TDRD6: variants seen among roughly 807,000 people sequenced by gnomAD.
The protein encoded by TDRD6 is tudor domain containing 6.
In TDRD6, 186 loss-of-function variants were observed where a neutral mutation model predicts 157.5. That is an observed-to-expected ratio of 1.18 (90% CI 1.05 to 1.33). The LOEUF (loss-of-function observed/expected upper bound fraction) is 1.33. Among genes scored for constraint, TDRD6 ranks in the 40% most tolerant of loss-of-function variants. The pLI is 0.00. For synonymous variants in TDRD6, 1,075 were observed against 945.2 expected, an observed-to-expected ratio of 1.14 and a Z score of -2.52; for missense variants, 3,066 against 2,508.0, an observed-to-expected ratio of 1.22 and a Z score of -4.75.
chr6:46,701,049 T>C, intron 3 of TDRD6: 1 of 456,900 alleles, frequency 2.2e-6, no homozygotes, highest in South Asian at 1.6e-5. Context: ...CAGTGGGTGA[T>C]ACCACTATTA....
upstream of TDRD6, among the ~76,000 whole-genome samples, chr6:46,685,883 G>A (rs1216636782): frequency 1.3e-5 from 2 of 152,246 alleles, no homozygotes; most frequent in East Asian, 1.9e-4. Flanking sequence ...ATATAGTATG[G>A]GAGATATATG....
At chr6:46,685,787 C>T (rs1271179910), upstream of TDRD6, among the ~76,000 whole-genome samples, 2 of 152,040 alleles carry the variant, frequency 1.3e-5, no homozygotes, top group Non-Finnish European at 2.9e-5. Context: ...AAAAAATCCC[C>T]TCTCCCTTCT....
chr6:46,688,908 C>A lies in TDRD6; in HGVS notation c.780C>A (p.Cys260Ter), dbSNP rs913476724. The A allele has an allele frequency of 1.2e-6, 2 of 1,606,536 alleles. No individual in the cohort carries two copies. The highest frequency in any genetic ancestry group is 1.7e-6 in the Non-Finnish European group (2 of 1,175,360). Reference sequence around the variant, plus strand: ...AGGCCGTGGTCATAACCCAAGTGTGCCATCCCCACCGCATTCACTGCCAGC... The same window carrying A: ...AGGCCGTGGTCATAACCCAAGTGTGACATCCCCACCGCATTCACTGCCAGC... ...VTEAVVITQV[C>*]HPHRIHCQLR... Residue 260 changes from cysteine (C) to a stop codon, truncating the protein, a stop_gained, in exon 1 of 4, where the codon TGC becomes TGA. Transcript: ENST00000316081. LOFTEE classifies it high-confidence loss of function.
At chr6:46,680,306 C>T in the TDRD6 span, among the ~76,000 whole-genome samples, 6 of 148,422 alleles carry the variant, frequency 4.0e-5, no homozygotes, top group Non-Finnish European at 8.9e-5. Context: ...GCCTGGGCAA[C>T]GGAGGGAGAC....
rs971985876 is a variant in TDRD6 at position 46,703,762 on chromosome 6, A to G, written c.*1875A>G. On this transcript the variant is annotated 3_prime_UTR_variant, in exon 4 of 4. Coordinates refer to ENST00000316081, the MANE Select transcript of TDRD6 (RefSeq NM_001010870.3). ...ATTAACTGGAATATGAAGAAGCTAA[A>G]TGTAATTCTGAATGTTTTATTATCC... 1.3e-5 allele frequency: 2 copies of G among 152,126 alleles called. No individual in the cohort carries two copies. Among genetic ancestry groups the G allele is most frequent in the Non-Finnish European group, 2.9e-5 (2 of 67,968 alleles). The allele number at this position is 152,126 out of a possible 1,614,324, so 9.4% of individuals were successfully genotyped here.
chr6:46,692,737 C>T lies in TDRD6; in HGVS notation c.4609C>T (p.Gln1537Ter), dbSNP rs1764373399. The change falls in exon 1 of 4, where the codon CAG becomes TAG. Residue 1537 changes from glutamine to a stop codon, truncating the protein, a stop_gained. Coordinates refer to ENST00000316081, the MANE Select transcript of TDRD6 (RefSeq NM_001010870.3). LOFTEE classifies it high-confidence loss of function. ...AGATGGACCTGAGTACTTTTGGTGT[C>T]AGTTTGCTGATACGGAGAAACTTCA... ...VIDGPEYFWC[Q>*]FADTEKLQCL... The T allele has an allele frequency of 6.2e-7, 1 of 1,613,988 alleles. No homozygotes were observed. The highest frequency in any genetic ancestry group is 1.3e-5 in the African/African-American group (1 of 74,898).
chr6:46,696,579 G>GTATATATATA (rs1360765143), intron 2 of TDRD6, among the ~76,000 whole-genome samples: 40 of 48,424 alleles, frequency 8.3e-4, no homozygotes, highest in Non-Finnish European at 1.1e-3. Flanking sequence ...GTGTGTGTGT[G>GTATATATATA]TGTATATATA....
chr6:46,695,653 C>A (rs187624757), intron 1 of TDRD6, among the ~76,000 whole-genome samples, 168 bp from the exon 2 acceptor site: 3 of 151,990 alleles, frequency 2.0e-5, no homozygotes, highest in Admixed American at 1.3e-4. Context: ...GGGGGGCGGG[C>A]ACTGTAAGAA....
At position 46,688,569 on chromosome 6, in the gene TDRD6, G is replaced by T. The variant is rs1407489180; in HGVS notation, c.441G>T (p.Pro147=). ...GCGGCGCGGGCTCAGGCGAGCCGCC[G>T]CAGCACTGGCCCGCCGACGCCGTGG... is the stretch of plus-strand genomic sequence containing the variant. ...AGCGAGSGEP[P]QHWPADAVDF... Residue 147 remains proline (P), a synonymous_variant, in exon 1 of 4, where the codon CCG becomes CCT. Coordinates refer to ENST00000316081, the MANE Select transcript of TDRD6 (RefSeq NM_001010870.3). 3 of 1,593,390 alleles carry T rather than the reference G, an allele frequency of 1.9e-6. No homozygotes were observed.
In TDRD6 at chr6:46,691,999, C is replaced by G; in HGVS notation, c.3871C>G (p.Leu1291Val). ...IGDSCDKDLP[L>V]KFCEFPQKTI... is the part of the protein sequence containing the mutation. ...AGATTCATGTGACAAAGATTTGCCTCTGAAATTTTGTGAGTTCCCACAGAA... is the reference window on the plus strand; with the variant it reads ...AGATTCATGTGACAAAGATTTGCCTGTGAAATTTTGTGAGTTCCCACAGAA... The change falls in exon 1 of 4, where the codon CTG becomes GTG. Residue 1291 changes from leucine (L) to valine (V), a missense_variant. Coordinates refer to ENST00000316081, the MANE Select transcript of TDRD6 (RefSeq NM_001010870.3). 6.2e-7 allele frequency: 1 copy of G among 1,613,928 alleles called. No homozygotes were observed. Among genetic ancestry groups the G allele is most frequent in the Non-Finnish European group, 8.5e-7 (1 of 1,179,940 alleles).
chr6:46,680,602 G>A, the TDRD6 span, among the ~76,000 whole-genome samples: 8 of 152,002 alleles, frequency 5.3e-5, 1 homozygote, highest in Non-Finnish European at 1.2e-4. Flanking sequence ...GGGCAACTTT[G>A]GGCATATTCT....
At position 46,688,620 on chromosome 6, in the gene TDRD6, G is replaced by T. The variant is rs184343332; in HGVS notation, c.492G>T (p.Lys164Asn). 3.5e-4 allele frequency: 557 copies of T among 1,599,138 alleles called. No homozygotes were observed. The East Asian group carries it at 0.012, about 35-fold the overall frequency. ...ACTTCCTTAGCAACCTTCAGGGCAAGGAGGTGCACGGGTGCGTCCTGGACG... is the reference window on the plus strand; with the variant it reads ...ACTTCCTTAGCAACCTTCAGGGCAATGAGGTGCACGGGTGCGTCCTGGACG... ...AVDFLSNLQG[K>N]EVHGCVLDVL... The change falls in exon 1 of 4, where the codon AAG (lysine) becomes AAT (asparagine). Residue 164 changes from lysine to asparagine, a missense_variant. Transcript: ENST00000316081.
intron 3 of TDRD6, chr6:46,700,962 A>G (rs1386264239): frequency 2.6e-6 from 1 of 390,382 alleles, no homozygotes; most frequent in Non-Finnish European, 5.2e-6. Flanking sequence ...TACTCGTGAT[A>G]AAGAATCAAT....
Position 46,689,277 on chromosome 6 carries a change from C to T in TDRD6, c.1149C>T (p.Asp383=), listed in dbSNP as rs757611177. The T allele has an allele frequency of 1.8e-5, 29 of 1,614,054 alleles. No individual in the cohort carries two copies. Among genetic ancestry groups the T allele is most frequent in the Admixed American group, 1.0e-4 (6 of 60,002 alleles). Residue 383 remains aspartate, a synonymous_variant, in exon 1 of 4, where the codon GAC becomes GAT. Transcript: ENST00000316081. ...CTTGTGCTTTGTATGGACTCTGGGA[C>T]GGTGGGAGAGGCTGGTCTCGGTCAC... ...TYPCALYGLW[D]GGRGWSRSQV...
chr6:46,685,006 C>A (rs1305084697), upstream of TDRD6, among the ~76,000 whole-genome samples: 1 of 146,244 alleles, frequency 6.8e-6, no homozygotes, highest in African/African-American at 2.5e-5. Context: ...GGTGATATAA[C>A]ATTGTGGGTT....
At chr6:46,694,402 A>T (rs1764441334) in intron 1 of TDRD6, among the ~76,000 whole-genome samples, 1 of 151,870 alleles carries the variant, frequency 6.6e-6, no homozygotes, top group African/African-American at 2.4e-5. Flanking sequence ...AGGGTTTGTC[A>T]TGTTATCCAG....
chr6:46,688,493 T>G lies in TDRD6; in HGVS notation c.365T>G (p.Leu122Trp), dbSNP rs1408191118. 6.4e-7 allele frequency: 1 copy of G among 1,556,384 alleles called. No individual in the cohort carries two copies. The highest frequency in any genetic ancestry group is 1.4e-5 in the African/African-American group (1 of 73,788). The change falls in exon 1 of 4, where the codon TTG (leucine) becomes TGG (tryptophan). Residue 122 changes from leucine (L) to tryptophan (W), a missense_variant. By Grantham distance (61) the Leu-to-Trp change is moderately conservative. Coordinates refer to ENST00000316081, the MANE Select transcript of TDRD6 (RefSeq NM_001010870.3). ...CCTGGGCGCAGAGAGTTCTTCAATT[T>G]GCCCTCGGAAGTGCTGGGCTGCGTG... ...LAPGRREFFN[L>W]PSEVLGCVLA...
the TDRD6 span, among the ~76,000 whole-genome samples, chr6:46,682,329 A>G: frequency 6.6e-6 from 1 of 152,064 alleles, no homozygotes; most frequent in South Asian, 2.1e-4. Context: ...AAATTTTTAC[A>G]TGAGTAAAAA....
At chr6:46,701,632 A>G (rs962786467) in intron 3 of TDRD6, among the ~76,000 whole-genome samples, 2 of 152,180 alleles carry the variant, frequency 1.3e-5, no homozygotes, top group Admixed American at 6.6e-5. Flanking sequence ...CCAATTTCAT[A>G]ATTTTTAGAG....
Sources: allele counts gnomAD v4.1 joint callset (sites outside exome capture counted in the v4.1 genomes callset), GRCh38; gene constraint gnomAD v4.1.1; transcripts MANE v1.5; gene names NCBI Gene and HGNC (gene_info 2026-07-23, HGNC 2026-07-21).